Variants in CAMK1D observed in about 807,000 individuals in gnomAD.
The protein encoded by CAMK1D is calcium/calmodulin dependent protein kinase ID, also known as calcium/calmodulin-dependent protein kinase type 1D.
CAMK1D carries 9 observed loss-of-function variants against 47.7 expected under a neutral mutation model. The observed-to-expected ratio is 0.19, with a 90% confidence interval of 0.11 to 0.33. The LOEUF is 0.33. CAMK1D is among the 10% of genes least tolerant of loss of function. The probability of loss-of-function intolerance (pLI) is 1.00; values close to 1 mark genes in which losing one functional copy is unlikely to be tolerated. For missense variants in CAMK1D, 291 were observed against 488.7 expected, an observed-to-expected ratio of 0.60 and a Z score of 3.81; for synonymous variants, 184 against 184.9, an observed-to-expected ratio of 0.99 and a Z score of 0.04.
At chr10:12,632,152 T>C (rs1308446719) in intron 2 of CAMK1D, among the ~76,000 whole-genome samples, 1 of 152,216 alleles carries the variant, frequency 6.6e-6, no homozygotes, top group Admixed American at 6.5e-5. Context: ...TTGCAGACTT[T>C]GTTGCTAAGA....
chr10:12,694,532 T>G (rs1296641770), intron 3 of CAMK1D, among the ~76,000 whole-genome samples: 3 of 74,118 alleles, frequency 4.0e-5, no homozygotes, highest in Non-Finnish European at 7.5e-5. Context: ...ATGATATATA[T>G]TATGTATAAA....
chr10:12,579,700 G>C (rs568656734), intron 2 of CAMK1D, among the ~76,000 whole-genome samples: 6 of 152,062 alleles, frequency 3.9e-5, no homozygotes, highest in Non-Finnish European at 7.3e-5. Flanking sequence ...CCAGTGTTAC[G>C]CAAACATGAA....
rs1838216170 is a variant in CAMK1D at position 12,598,712 on chromosome 10, A to G, written c.224+45356A>G. On this transcript the variant is annotated intron_variant, in intron 2 of 10. Transcript: ENST00000619168. The stretch of plus-strand genomic sequence containing the variant: ...GCTCTGTACTGGTGGGTTTCTGGAA[A>G]AGCCTTTACTTTGAGGTGGTCCATT... Among the ~76,000 whole-genome samples the G allele has an allele frequency of 2.6e-5, 4 of 152,236 alleles. No homozygotes were observed. The South Asian group carries it at 6.2e-4, about 24-fold the overall frequency.
rs368599337 is a variant in CAMK1D, at chr10:12,643,126, T to G, written c.225-23610T>G. Among the ~76,000 whole-genome samples, 526 of 152,212 alleles carry G rather than the reference T, an allele frequency of 3.5e-3. 4 individuals carry two copies. The highest frequency in any genetic ancestry group is 0.034 in the Middle Eastern group (10 of 290). ...AAGTGATTCTCCTGCCTTAGCAGCC[T>G]GAGTAGCTGGAATTACAGGCGCCCC... On this transcript the variant is annotated intron_variant, in intron 2 of 10. Coordinates refer to ENST00000619168, the MANE Select transcript of CAMK1D (RefSeq NM_153498.4).
At chr10:12,573,901 C>T (rs1284895218) in intron 2 of CAMK1D, among the ~76,000 whole-genome samples, 1 of 125,820 alleles carries the variant, frequency 7.9e-6, no homozygotes, top group Non-Finnish European at 1.6e-5. Context: ...GTCTCAAAGT[C>T]CTGGGCTCAA....
intron 3 of CAMK1D, among the ~76,000 whole-genome samples, chr10:12,671,641 A>G (rs1008920819): frequency 6.6e-6 from 1 of 151,728 alleles, no homozygotes; most frequent in Non-Finnish European, 1.5e-5. Context: ...ATATACACGT[A>G]TACACACACA....
At chr10:12,373,121 T>C (rs1838050963) in intron 1 of CAMK1D, among the ~76,000 whole-genome samples, 1 of 152,106 alleles carries the variant, frequency 6.6e-6, no homozygotes. Context: ...ATGAGAGACG[T>C]GGTCCGCTTC....
chr10:12,829,106 A>T lies in CAMK1D; in HGVS notation c.*219A>T, dbSNP rs1389678201. ...ACTCGAGGGGCGCTGATTTCATAGG[A>T]TCTGGTGCTGTATATACGAATCTTG... On this transcript the variant is annotated 3_prime_UTR_variant, in exon 11 of 11. Transcript: ENST00000619168. The T allele has an allele frequency of 4.5e-5, 23 of 507,442 alleles. No homozygotes were observed. The East Asian group carries it at 8.1e-4, about 18-fold the overall frequency. 31.4% of individuals were successfully genotyped at this position (507,442 alleles called of 1,614,324 possible).
At chr10:12,757,318 C>A (rs909312186) in intron 3 of CAMK1D, among the ~76,000 whole-genome samples, 5 of 152,168 alleles carry the variant, frequency 3.3e-5, no homozygotes, top group African/African-American at 9.7e-5. Flanking sequence ...TGATTGTACT[C>A]CTTTTCCCCA....
chr10:12,485,378 C>T (rs1017851895), intron 1 of CAMK1D, among the ~76,000 whole-genome samples: 2 of 152,076 alleles, frequency 1.3e-5, no homozygotes, highest in Admixed American at 1.3e-4. Context: ...CTCCTCGTGC[C>T]CCCTGTCGTG....
intron 3 of CAMK1D, among the ~76,000 whole-genome samples, chr10:12,694,003 TAA>T (rs1245637066): frequency 3.9e-4 from 29 of 74,514 alleles, no homozygotes; most frequent in Admixed American, 9.6e-4. Context: ...ATAATATATA[TAA>T]TATATATTAA....
intron 3 of CAMK1D, among the ~76,000 whole-genome samples, chr10:12,735,546 G>A (rs1031680566): frequency 2.6e-5 from 4 of 152,150 alleles, no homozygotes; most frequent in African/African-American, 9.7e-5. Context: ...CGAACCTTCG[G>A]TCTCTTCGCC....
chr10:12,542,091 C>T (rs1449137460), intron 1 of CAMK1D, among the ~76,000 whole-genome samples: 2 of 151,622 alleles, frequency 1.3e-5, no homozygotes, highest in African/African-American at 4.9e-5. Context: ...TTTGGCCAGG[C>T]TGGTCTGGAA....
In CAMK1D at chr10:12,659,930, G is replaced by A. The variant is rs182072352; in HGVS notation, c.225-6806G>A. Among the ~76,000 whole-genome samples, 704 of 152,264 alleles carry A rather than the reference G, an allele frequency of 4.6e-3. 3 individuals carry two copies. The highest frequency in any genetic ancestry group is 0.016 in the African/African-American group (646 of 41,544). On this transcript the variant is annotated intron_variant, in intron 2 of 10. Transcript: ENST00000619168. ...GCGGACCGGAAGCTGATTGCGGCTC[G>A]TTGACGTAACTTTCTCCTTGCACAT...
intron 3 of CAMK1D, among the ~76,000 whole-genome samples, chr10:12,754,656 G>T (rs1378605690): frequency 2.0e-5 from 3 of 152,210 alleles, no homozygotes; most frequent in African/African-American, 4.8e-5. Flanking sequence ...GAGGCTGGAA[G>T]TGCAAGATCA....
intron 1 of CAMK1D, among the ~76,000 whole-genome samples, chr10:12,368,216 A>AAT (rs1837904985): frequency 6.8e-6 from 1 of 146,988 alleles, no homozygotes; most frequent in Admixed American, 6.8e-5. Flanking sequence ...AAAAAAAAAT[A>AAT]AAATAAAATG....
Position 12,416,304 on chromosome 10 carries a change from A to G in CAMK1D, c.92+66394A>G, listed in dbSNP as rs530296352. On this transcript the variant is annotated intron_variant, in intron 1 of 10. Coordinates refer to ENST00000619168, the MANE Select transcript of CAMK1D (RefSeq NM_153498.4). ...GATTTAACTTTTTATGGAATTATGC[A>G]TGCAATGCCATTTGCATTTGCTGAG... 1.1e-3 allele frequency among the ~76,000 whole-genome samples: 174 copies of G among 152,372 alleles called. 2 individuals carry two copies. Among genetic ancestry groups the G allele is most frequent in the African/African-American group, 3.9e-3 (163 of 41,586 alleles).
chr10:12,614,483 T>G (rs1326303768), intron 2 of CAMK1D, among the ~76,000 whole-genome samples: 1 of 152,224 alleles, frequency 6.6e-6, no homozygotes, highest in East Asian at 1.9e-4. Flanking sequence ...ATAGCCATAG[T>G]TTTATATATT....
intron 2 of CAMK1D, among the ~76,000 whole-genome samples, chr10:12,588,867 TGTGTGTGTGTGTGTGTGCGTGC>T (rs1479875225): frequency 5.7e-5 from 1 of 17,510 alleles, no homozygotes; most frequent in Non-Finnish European, 1.7e-4. Flanking sequence ...TATGTATATA[TGTGTGTGTGTGTGTGTGCGTGC>T]GTGTGTGTGT....
Sources: allele counts gnomAD v4.1 joint callset (sites outside exome capture counted in the v4.1 genomes callset), GRCh38; gene constraint gnomAD v4.1.1; transcripts MANE v1.5; gene names NCBI Gene and HGNC (gene_info 2026-07-23, HGNC 2026-07-21).